Variants in CHLSN observed in about 807,000 individuals in gnomAD.
CHLSN encodes protein cholesin.
At chr7:1,061,573 C>A in the CHLSN span, among the ~76,000 whole-genome samples, 1 of 152,176 alleles carries the variant, frequency 6.6e-6, no homozygotes, top group Admixed American at 6.5e-5. Context: ...ACCTGCTCAT[C>A]TATATTCTAT....
the CHLSN span, among the ~76,000 whole-genome samples, chr7:1,039,435 C>A: frequency 4.3e-4 from 29 of 67,974 alleles, no homozygotes; most frequent in African/African-American, 2.3e-3. Context: ...TCAGCCCCCC[C>A]GCCCGGCCAG....
At chr7:1,113,131 C>G in the CHLSN span, among the ~76,000 whole-genome samples, 1 of 152,104 alleles carries the variant, frequency 6.6e-6, no homozygotes, top group Non-Finnish European at 1.5e-5. Context: ...GCACGTACAA[C>G]CGTGGACTCT....
At chr7:1,081,686 C>T in the CHLSN span, among the ~76,000 whole-genome samples, 1 of 137,644 alleles carries the variant, frequency 7.3e-6, no homozygotes, top group Non-Finnish European at 1.6e-5. Context: ...AAGCCCCGAC[C>T]CAGACAAGGC....
At chr7:1,084,547 C>T in the CHLSN span, among the ~76,000 whole-genome samples, 3 of 152,220 alleles carry the variant, frequency 2.0e-5, no homozygotes, top group Non-Finnish European at 4.4e-5. Flanking sequence ...GCGAATGAGC[C>T]AGGACTGGGC....
chr7:978,903 C>A, the CHLSN span, among the ~76,000 whole-genome samples: 1 of 152,234 alleles, frequency 6.6e-6, no homozygotes, highest in Non-Finnish European at 1.5e-5. Flanking sequence ...ACTGGAGGAT[C>A]CACTCACGAT....
chr7:1,023,798 A>G, the CHLSN span, among the ~76,000 whole-genome samples: 1 of 152,124 alleles, frequency 6.6e-6, no homozygotes, highest in Non-Finnish European at 1.5e-5. The surrounding 1 kb of genome is among the most constrained non-coding windows in gnomAD (Gnocchi z 5.0). Flanking sequence ...GGGCTGGAGC[A>G]GCGGCCCCTG....
chr7:1,127,504 GA>G, the CHLSN span: 1 of 997,034 alleles, frequency 1.0e-6, no homozygotes, highest in Non-Finnish European at 1.4e-6. Context: ...GAGTATTATG[GA>G]AAACATATAA....
chr7:1,113,925 C>T, the CHLSN span, among the ~76,000 whole-genome samples: 11 of 152,180 alleles, frequency 7.2e-5, no homozygotes, highest in South Asian at 8.3e-4. Flanking sequence ...CTCCAGGGAG[C>T]GAATGGAGAG....
the CHLSN span, among the ~76,000 whole-genome samples, chr7:1,009,000 C>T: frequency 8.1e-5 from 4 of 49,500 alleles, no homozygotes; most frequent in East Asian, 2.6e-4. Flanking sequence ...CACACATACA[C>T]GCACACACAC....
chr7:999,801 G>A, the CHLSN span, among the ~76,000 whole-genome samples: 27 of 152,312 alleles, frequency 1.8e-4, no homozygotes, highest in African/African-American at 4.1e-4. Flanking sequence ...ACTGCCCACC[G>A]GATGCAGCTC....
chr7:1,031,075 GC>G, the CHLSN span, among the ~76,000 whole-genome samples: 1 of 152,300 alleles, frequency 6.6e-6, no homozygotes, highest in Non-Finnish European at 1.5e-5. Flanking sequence ...AGACCCTAGA[GC>G]CCCCTCCCCC....
the CHLSN span, among the ~76,000 whole-genome samples, chr7:1,090,090 A>G: frequency 6.6e-6 from 1 of 152,170 alleles, no homozygotes; most frequent in African/African-American, 2.4e-5. Context: ...ATTCAAAACA[A>G]TAACTCCTAA....
the CHLSN span, among the ~76,000 whole-genome samples, chr7:1,014,836 C>T: frequency 1.6e-5 from 1 of 64,128 alleles, no homozygotes; most frequent in African/African-American, 1.2e-4. Flanking sequence ...GTTGGTGTCA[C>T]CCTGTCCCGG....
chr7:997,290 T>C, the CHLSN span: 13 of 261,400 alleles, frequency 5.0e-5, no homozygotes, highest in Non-Finnish European at 9.4e-5. Flanking sequence ...GGTAGAAAAA[T>C]AGACATTTCC....
chr7:1,124,518 C>T, the CHLSN span, among the ~76,000 whole-genome samples: 2 of 136,882 alleles, frequency 1.5e-5, no homozygotes, highest in Non-Finnish European at 3.0e-5. Flanking sequence ...AAAAGCACAA[C>T]TGGACCTCAG....
At chr7:984,778 T>G in the CHLSN span, among the ~76,000 whole-genome samples, 401 of 152,230 alleles carry the variant, frequency 2.6e-3, 2 homozygotes, top group African/African-American at 8.7e-3. Context: ...GGGGTTCTTT[T>G]CATCCCAAGT....
the CHLSN span, chr7:1,028,454 G>A: frequency 1.0e-6 from 1 of 985,682 alleles, no homozygotes; most frequent in Non-Finnish European, 1.2e-6. Context: ...ACTGGACCTC[G>A]GCGCGGGGGT....
the CHLSN span, chr7:1,028,594 C>T: frequency 5.1e-6 from 5 of 984,104 alleles, no homozygotes; most frequent in East Asian, 5.7e-4. Context: ...GCGGGGAGGG[C>T]GCACCCCCGC....
the CHLSN span, among the ~76,000 whole-genome samples, chr7:1,013,733 T>A: frequency 6.6e-6 from 1 of 152,096 alleles, no homozygotes; most frequent in Non-Finnish European, 1.5e-5. Context: ...AAAGCCGGCG[T>A]CTCTGGACCA....
Sources: allele counts gnomAD v4.1 joint callset (sites outside exome capture counted in the v4.1 genomes callset), GRCh38; gene constraint gnomAD v4.1.1; non-coding constraint Gnocchi (gnomAD v3.1); transcripts MANE v1.5; gene names NCBI Gene and HGNC (gene_info 2026-07-23, HGNC 2026-07-21).